The following KANK1 variants were observed in gnomAD, a reference collection of about 807,000 sequenced individuals.
KANK1 encodes the protein KN motif and ankyrin repeat domains 1, also known as KN motif and ankyrin repeat domain-containing protein 1.
Under a neutral mutation model 106.2 loss-of-function variants are expected in KANK1, and 109 were observed. That is an observed-to-expected ratio of 1.03 (90% CI 0.88 to 1.20). KANK1 has a LOEUF of 1.20. KANK1 is among the 50% of genes most tolerant of loss of function. The pLI is 0.00. For synonymous variants in KANK1, 873 were observed against 652.2 expected (o/e 1.34, Z -5.16); for missense variants, 2,399 against 1,710.7 (o/e 1.40, Z -7.10).
chr9:607,391 A>G (rs7849766), intron 1 of KANK1, among the ~76,000 whole-genome samples: 16,219 of 147,922 alleles, frequency 0.11, 1,737 homozygotes, highest in African/African-American at 0.27. Flanking sequence ...ACGGTGAGGC[A>G]GGAGAATCGC....
At chr9:601,282 C>G (rs528818846) in intron 1 of KANK1, among the ~76,000 whole-genome samples, 9 of 151,908 alleles carry the variant, frequency 5.9e-5, no homozygotes, top group Non-Finnish European at 1.2e-4. Flanking sequence ...ATACTTCCAG[C>G]TAAACAACAG....
chr9:516,998 T>TACACACAC (rs148954863), intron 1 of KANK1, among the ~76,000 whole-genome samples: 1,772 of 145,528 alleles, frequency 0.012, 50 homozygotes, highest in African/African-American at 0.028. Context: ...CATCACCCTC[T>TACACACAC]ACACACACAC....
chr9:654,093 G>C (rs1345895375), intron 1 of KANK1, among the ~76,000 whole-genome samples: 1 of 152,142 alleles, frequency 6.6e-6, no homozygotes, highest in African/African-American at 2.4e-5. Context: ...ATTTGAATAA[G>C]AGCAGATCGT....
chr9:737,154 T>G (rs1834010663), intron 7 of KANK1, among the ~76,000 whole-genome samples: 1 of 152,150 alleles, frequency 6.6e-6, no homozygotes. Flanking sequence ...AGAATTAGAA[T>G]GACCAGAAGA....
At chr9:643,891 C>T (rs1339387392) in intron 1 of KANK1, among the ~76,000 whole-genome samples, 1 of 149,548 alleles carries the variant, frequency 6.7e-6, no homozygotes, top group South Asian at 2.1e-4. Flanking sequence ...TTGGTAGAGA[C>T]GGGGTTTCAC....
chr9:606,119 T>C (rs918274227), intron 1 of KANK1, among the ~76,000 whole-genome samples: 2 of 148,864 alleles, frequency 1.3e-5, no homozygotes, highest in African/African-American at 2.5e-5. Context: ...CCCCAGTATA[T>C]AGCATTGAAT....
intron 1 of KANK1, among the ~76,000 whole-genome samples, chr9:582,734 C>T (rs1341355616): frequency 1.3e-5 from 2 of 152,328 alleles, no homozygotes; most frequent in South Asian, 4.1e-4. Context: ...GAGTAACCAG[C>T]ATATTACAGA....
At chr9:624,326 C>T (rs963501887) in intron 1 of KANK1, among the ~76,000 whole-genome samples, 1 of 152,070 alleles carries the variant, frequency 6.6e-6, no homozygotes, top group South Asian at 2.1e-4. Flanking sequence ...TTTTCCCTCT[C>T]CATGCAGAGG....
intron 2 of KANK1, among the ~76,000 whole-genome samples, chr9:689,946 G>C (rs985944882): frequency 3.3e-5 from 5 of 151,884 alleles, no homozygotes; most frequent in African/African-American, 1.2e-4. Context: ...AGATTGTTTT[G>C]ATTGTTGTCC....
At chr9:670,016 A>C (rs1202369539) in intron 1 of KANK1, among the ~76,000 whole-genome samples, 1 of 152,006 alleles carries the variant, frequency 6.6e-6, no homozygotes, top group Non-Finnish European at 1.5e-5. Flanking sequence ...TGCTGTTGAG[A>C]GCCTCCAATA....
intron 1 of KANK1, among the ~76,000 whole-genome samples, chr9:567,246 C>T (rs1387178530): frequency 6.6e-6 from 1 of 152,142 alleles, no homozygotes; most frequent in Non-Finnish European, 1.5e-5. Flanking sequence ...GTTATTGTAG[C>T]CCAGTAGTGT....
chr9:649,463 C>T (rs1355523393), intron 1 of KANK1, among the ~76,000 whole-genome samples: 1 of 152,198 alleles, frequency 6.6e-6, no homozygotes, highest in Non-Finnish European at 1.5e-5. Flanking sequence ...TGACTTCAGT[C>T]ACTGAGCTGA....
In KANK1 at chr9:676,898, C is replaced by A; in HGVS notation, c.-75C>A. 8.6e-7 allele frequency: 1 copy of A among 1,169,272 alleles called. No homozygotes were observed. The highest frequency in any genetic ancestry group is 1.3e-5 in the South Asian group (1 of 77,946). The allele number at this position is 1,169,272 out of a possible 1,614,324, so 72.4% of individuals were successfully genotyped here. ...TCTCTTTATTGTTTCAGGTTGAATG[C>A]CTTTGAGAACTTGATGCATAAAATT... is the stretch of plus-strand genomic sequence containing the variant. On this transcript the variant is annotated 5_prime_UTR_variant, in exon 2 of 12. Transcript: ENST00000382297.
chr9:612,646 G>T (rs368537122), intron 1 of KANK1, among the ~76,000 whole-genome samples: 11 of 152,290 alleles, frequency 7.2e-5, no homozygotes, highest in East Asian at 3.9e-4. Flanking sequence ...CAATGAGACA[G>T]GATTTGTGGG....
chr9:674,249 G>T (rs1815896960), intron 1 of KANK1: 1 of 152,034 alleles, frequency 6.6e-6, no homozygotes, highest in Non-Finnish European at 1.5e-5. Context: ...CTATCCTTCT[G>T]GTGTGTCACC....
chr9:554,938 G>A (rs2061492574), intron 1 of KANK1, among the ~76,000 whole-genome samples: 1 of 152,190 alleles, frequency 6.6e-6, no homozygotes, highest in Admixed American at 6.5e-5. Context: ...CAAACAGGAA[G>A]AGAGTTAGTG....
At chr9:634,446 T>C (rs1836579859) in intron 1 of KANK1, among the ~76,000 whole-genome samples, 1 of 152,172 alleles carries the variant, frequency 6.6e-6, no homozygotes, top group South Asian at 2.1e-4. Context: ...GGTTCTATAG[T>C]AGTGATGTTA....
intron 1 of KANK1, among the ~76,000 whole-genome samples, chr9:568,620 GCTAGGACTACAGGTGTGCAT>G (rs762148739): frequency 4.6e-5 from 7 of 152,110 alleles, no homozygotes; most frequent in Non-Finnish European, 1.0e-4. Flanking sequence ...CTGCTGAATA[GCTAGGACTACAGGTGTGCAT>G]CACCATGCCT....
intron 2 of KANK1, among the ~76,000 whole-genome samples, chr9:704,806 A>C (rs1436443656): frequency 1.3e-5 from 2 of 151,776 alleles, no homozygotes; most frequent in Admixed American, 6.6e-5. Context: ...AATAGCAAGA[A>C]CTCATCTCTA....
Sources: allele counts gnomAD v4.1 joint callset (sites outside exome capture counted in the v4.1 genomes callset), GRCh38; gene constraint gnomAD v4.1.1; transcripts MANE v1.5; gene names NCBI Gene and HGNC (gene_info 2026-07-23, HGNC 2026-07-21).